UTS2: variants seen among roughly 807,000 people sequenced by gnomAD.
UTS2 encodes the protein urotensin 2.
UTS2 carries 10 observed loss-of-function variants against 12.6 expected under a neutral mutation model. That is an observed-to-expected ratio of 0.80 (90% CI 0.49 to 1.35). UTS2 has a LOEUF of 1.35. Among genes scored for constraint, UTS2 ranks in the 40% most tolerant of loss-of-function variants. The pLI, the probability that UTS2 is intolerant of heterozygous loss-of-function variation, is 0.00. For synonymous variants in UTS2, 52 were observed against 50.0 expected (o/e 1.04, Z -0.17); for missense variants, 142 against 143.2 (o/e 0.99, Z 0.04).
At chr1:7,896,554 T>A in the UTS2 span, among the ~76,000 whole-genome samples, 1 of 152,116 alleles carries the variant, frequency 6.6e-6, no homozygotes, top group Non-Finnish European at 1.5e-5. Flanking sequence ...TCCATATAGG[T>A]TTAGAAAAAT....
chr1:7,911,711 G>A, the UTS2 span, among the ~76,000 whole-genome samples: 2 of 152,122 alleles, frequency 1.3e-5, no homozygotes, highest in African/African-American at 4.8e-5. Context: ...AGACCAGCCT[G>A]GCCAACATGG....
At chr1:7,871,994 A>G in the UTS2 span, among the ~76,000 whole-genome samples, 5 of 152,126 alleles carry the variant, frequency 3.3e-5, no homozygotes, top group Non-Finnish European at 7.4e-5. Context: ...CTCACTTTAA[A>G]TAGAAAGTTA....
chr1:7,863,026 TTGTATTG>T, the UTS2 span, among the ~76,000 whole-genome samples: 198 of 51,932 alleles, frequency 3.8e-3, 16 homozygotes, highest in Admixed American at 6.1e-3. Flanking sequence ...TTGTATTGTA[TTGTATTG>T]TATTGTATTG....
chr1:7,852,798 C>G (rs2151383575), intron 1 of UTS2, 103 bp downstream of exon 1: 1 of 1,343,660 alleles, frequency 7.4e-7, no homozygotes, highest in Non-Finnish European at 1.0e-6. Flanking sequence ...GAACAAGACT[C>G]CAGACTCCTT....
At chr1:7,879,513 G>A in the UTS2 span, among the ~76,000 whole-genome samples, 5 of 152,166 alleles carry the variant, frequency 3.3e-5, no homozygotes, top group African/African-American at 1.2e-4. Flanking sequence ...GGCTGAGGCA[G>A]GTGGATCACT....
At chr1:7,881,575 T>A in the UTS2 span, among the ~76,000 whole-genome samples, 3 of 152,074 alleles carry the variant, frequency 2.0e-5, no homozygotes, top group African/African-American at 7.2e-5. Context: ...ATTTAACCAA[T>A]GATGTAAAAT....
chr1:7,883,164 A>G, the UTS2 span, among the ~76,000 whole-genome samples: 1 of 152,250 alleles, frequency 6.6e-6, no homozygotes, highest in Non-Finnish European at 1.5e-5. Flanking sequence ...GATAAAGAAA[A>G]TGTGGTACAT....
chr1:7,848,784 T>G (rs1286532265), intron 3 of UTS2, among the ~76,000 whole-genome samples: 1 of 152,176 alleles, frequency 6.6e-6, no homozygotes, highest in Non-Finnish European at 1.5e-5. Context: ...CCTCCCGTGC[T>G]GGGATGACAA....
At chr1:7,897,154 T>C in the UTS2 span, among the ~76,000 whole-genome samples, 1 of 152,376 alleles carries the variant, frequency 6.6e-6, no homozygotes, top group East Asian at 1.9e-4. Flanking sequence ...TGTTTACTTT[T>C]TACTATGTTA....
At chr1:7,906,366 C>T in the UTS2 span, among the ~76,000 whole-genome samples, 1 of 149,300 alleles carries the variant, frequency 6.7e-6, no homozygotes, top group Non-Finnish European at 1.5e-5. Context: ...AACTGGTGAA[C>T]GTCTTAACTG....
chr1:7,893,605 G>A, the UTS2 span, among the ~76,000 whole-genome samples: 263 of 152,246 alleles, frequency 1.7e-3, 2 homozygotes, highest in African/African-American at 6.1e-3. Flanking sequence ...CCCCAACAGC[G>A]TTGCCATGTG....
the UTS2 span, among the ~76,000 whole-genome samples, chr1:7,874,094 G>A: frequency 0.15 from 22,740 of 152,102 alleles, 1,872 homozygotes; most frequent in Middle Eastern, 0.27. Context: ...AAGGAACTTC[G>A]GAAACATGCA....
chr1:7,887,158 G>C, the UTS2 span, among the ~76,000 whole-genome samples: 1 of 151,534 alleles, frequency 6.6e-6, no homozygotes, highest in Non-Finnish European at 1.5e-5. Flanking sequence ...GCATGTGGGG[G>C]ACATGGACCA....
At chr1:7,904,856 A>C in the UTS2 span, among the ~76,000 whole-genome samples, 1 of 134,114 alleles carries the variant, frequency 7.5e-6, no homozygotes, top group Admixed American at 8.9e-5. Context: ...GTAAGCCTAG[A>C]TCGTGCCACT....
the UTS2 span, among the ~76,000 whole-genome samples, chr1:7,895,868 C>T: frequency 1.3e-5 from 2 of 152,082 alleles, no homozygotes; most frequent in African/African-American, 4.8e-5. Context: ...TTCTTAGTCC[C>T]GGCATATTTG....
At chr1:7,894,163 T>C in the UTS2 span, among the ~76,000 whole-genome samples, 1 of 152,022 alleles carries the variant, frequency 6.6e-6, no homozygotes, top group South Asian at 2.1e-4. Context: ...TTTTCTTTCT[T>C]TATCTCTCTC....
chr1:7,899,339 A>G, the UTS2 span, among the ~76,000 whole-genome samples: 3 of 152,220 alleles, frequency 2.0e-5, no homozygotes, highest in South Asian at 6.2e-4. Flanking sequence ...AGCGATCGTG[A>G]CCATCTTTAT....
the UTS2 span, among the ~76,000 whole-genome samples, chr1:7,896,846 C>T: frequency 6.6e-6 from 1 of 151,960 alleles, no homozygotes; most frequent in African/African-American, 2.4e-5. Context: ...CAGGTGCGTG[C>T]CCCCATGCCT....
At chr1:7,865,021 G>T in the UTS2 span, among the ~76,000 whole-genome samples, 9 of 48,078 alleles carry the variant, frequency 1.9e-4, no homozygotes, top group African/African-American at 3.1e-4. Flanking sequence ...CTCCCACAGC[G>T]GTCCCTCTGT....
Sources: allele counts gnomAD v4.1 joint callset (sites outside exome capture counted in the v4.1 genomes callset), GRCh38; gene constraint gnomAD v4.1.1; transcripts MANE v1.5; gene names NCBI Gene and HGNC (gene_info 2026-07-23, HGNC 2026-07-21).